SLC12A6: variants seen among roughly 807,000 people sequenced by gnomAD.
SLC12A6 encodes K-Cl cotransporter 3.
A neutral mutation model predicts 135.3 loss-of-function variants in SLC12A6; 66 were observed. That is an observed-to-expected ratio of 0.49 (90% CI 0.40 to 0.60). The LOEUF (loss-of-function observed/expected upper bound fraction) is 0.60, where lower values mean the gene tolerates loss of function less well. Ranked by LOEUF, SLC12A6 falls within the 20% of genes least tolerant of loss-of-function variation. The probability of loss-of-function intolerance (pLI) is 0.00; values close to 1 mark genes in which losing one functional copy is unlikely to be tolerated. For missense variants in SLC12A6, 1,058 were observed against 1,452.3 expected, an observed-to-expected ratio of 0.73 and a Z score of 4.41; for synonymous variants, 513 against 508.8, an observed-to-expected ratio of 1.01 and a Z score of -0.11.
At chr15:34,310,547 CTG>C (rs59979245) in intron 2 of SLC12A6, among the ~76,000 whole-genome samples, 3,391 of 34,008 alleles carry the variant, frequency 0.1, 530 homozygotes, top group African/African-American at 0.15. Flanking sequence ...CTGGGCTCAA[CTG>C]TGTGTGTGTG....
chr15:34,318,516 T>C (rs1595564675), intron 2 of SLC12A6: 4 of 1,486,256 alleles, frequency 2.7e-6, no homozygotes, highest in Non-Finnish European at 3.8e-6. Context: ...ACTTCTTTCA[T>C]GAAACATTTT....
intron 18 of SLC12A6, 135 bp from the exon 19 acceptor site, chr15:34,240,964 AGATGACAG>A (rs1891604665): frequency 2.7e-6 from 2 of 748,942 alleles, no homozygotes; most frequent in Non-Finnish European, 4.7e-6. Context: ...AGATCACAGG[AGATGACAG>A]GATAAGGGCA....
chr15:34,271,470 A>C (rs1229094964), intron 3 of SLC12A6, among the ~76,000 whole-genome samples: 1 of 151,424 alleles, frequency 6.6e-6, no homozygotes, highest in Non-Finnish European at 1.5e-5. Context: ...TTGGTTTTCT[A>C]TTCCTTATGA....
chr15:34,258,785 T>C, intron 5 of SLC12A6, 28 bp downstream of exon 5: 1 of 1,592,334 alleles, frequency 6.3e-7, no homozygotes, highest in Non-Finnish European at 8.6e-7. Context: ...GCTCTTTCTA[T>C]GTATTCCTTG....
At chr15:34,262,925 T>C (rs1317324094) in intron 3 of SLC12A6, among the ~76,000 whole-genome samples, 1 of 152,150 alleles carries the variant, frequency 6.6e-6, no homozygotes, top group African/African-American at 2.4e-5. Flanking sequence ...GCATCTCTTC[T>C]GGTGAGCTCG....
intron 2 of SLC12A6, among the ~76,000 whole-genome samples, chr15:34,322,529 G>A (rs965082506): frequency 1.1e-4 from 16 of 152,146 alleles, no homozygotes; most frequent in African/African-American, 3.1e-4. Flanking sequence ...TGTGGGAGGT[G>A]AACTGATTCT....
At chr15:34,316,048 A>C (rs1888628351) in intron 2 of SLC12A6, among the ~76,000 whole-genome samples, 1 of 152,178 alleles carries the variant, frequency 6.6e-6, no homozygotes, top group African/African-American at 2.4e-5. Context: ...CTTTTCAAAA[A>C]ATTAGATTAT....
chr15:34,234,268 G>A (rs1482255179), intron 25 of SLC12A6, among the ~76,000 whole-genome samples: 3 of 152,194 alleles, frequency 2.0e-5, no homozygotes, highest in Non-Finnish European at 2.9e-5. Flanking sequence ...CAATAGGGCA[G>A]CTAACAAGAT....
chr15:34,236,122 G>C lies in SLC12A6; in HGVS notation c.3120C>G (p.Thr1040=), dbSNP rs571120129. 6.7e-5 allele frequency: 108 copies of C among 1,613,524 alleles called. No individual in the cohort carries two copies. The highest frequency in any genetic ancestry group is 8.8e-5 in the South Asian group (8 of 91,082). ...AAGTCATGTGCACCTTCTCCTGATA[G>C]GTTTCTGTCTCTTCGTCCTCATCAG... ...IGSDEDEETE[T]YQEKVHMTWT... Residue 1040 remains threonine (T), a synonymous_variant, in exon 24 of 26, where the codon ACC becomes ACG. Coordinates refer to ENST00000354181, the MANE Select transcript of SLC12A6 (RefSeq NM_001365088.1).
chr15:34,286,478 A>T (rs1392335790), intron 2 of SLC12A6, among the ~76,000 whole-genome samples: 1 of 152,030 alleles, frequency 6.6e-6, no homozygotes, highest in Non-Finnish European at 1.5e-5. Context: ...TAAGTCTAAA[A>T]GGAGAGCTCC....
chr15:34,255,803 T>C (rs899836240), intron 7 of SLC12A6, among the ~76,000 whole-genome samples: 9 of 134,666 alleles, frequency 6.7e-5, no homozygotes, highest in Non-Finnish European at 1.4e-4. Context: ...AAATGTCACC[T>C]CTGTAAAAAA....
intron 13 of SLC12A6, among the ~76,000 whole-genome samples, chr15:34,247,274 T>G (rs1892055942): frequency 6.6e-6 from 1 of 152,078 alleles, no homozygotes. Context: ...TCCCAGCACT[T>G]TGGGAGGCCG....
intron 2 of SLC12A6, among the ~76,000 whole-genome samples, chr15:34,335,452 A>T (rs1157750331): frequency 6.6e-6 from 1 of 152,252 alleles, no homozygotes; most frequent in Admixed American, 6.5e-5. Flanking sequence ...TATGGTTTTC[A>T]AACTTGGGTG....
intron 3 of SLC12A6, among the ~76,000 whole-genome samples, chr15:34,265,563 T>C (rs2140821916): frequency 6.6e-6 from 1 of 152,342 alleles, no homozygotes; most frequent in East Asian, 1.9e-4. Context: ...GGTGTGCTGA[T>C]AACAGCCTCT....
chr15:34,275,193 G>GT (rs1340699895), intron 3 of SLC12A6, 152 bp downstream of exon 3: 2 of 540,096 alleles, frequency 3.7e-6, no homozygotes, highest in African/African-American at 3.8e-5. Flanking sequence ...AACTTGGCAA[G>GT]TTGGGAATAG....
Position 34,334,027 on chromosome 15 carries a change from G to A in SLC12A6, c.271+2383C>T, listed in dbSNP as rs573141362. Among the ~76,000 whole-genome samples the A allele has an allele frequency of 6.0e-5, 9 of 149,816 alleles. No homozygotes were observed. The East Asian group carries it at 1.2e-3, about 20-fold the overall frequency. On this transcript the variant is annotated intron_variant, in intron 2 of 25. Coordinates refer to ENST00000354181, the MANE Select transcript of SLC12A6 (RefSeq NM_001365088.1). ...AGAGATTGCAGTGAGTGGAGATTGC[G>A]CCCTTGTACCCCAGCCTGGGCAACA...
At chr15:34,248,678 A>G (rs1892173688) in intron 13 of SLC12A6, among the ~76,000 whole-genome samples, 1 of 152,092 alleles carries the variant, frequency 6.6e-6, no homozygotes, top group African/African-American at 2.4e-5. Flanking sequence ...TCGAGTCCTC[A>G]AAGAGCTCAA....
intron 2 of SLC12A6, among the ~76,000 whole-genome samples, chr15:34,287,630 C>G (rs2140949531): frequency 6.6e-6 from 1 of 152,330 alleles, no homozygotes; most frequent in Non-Finnish European, 1.5e-5. Flanking sequence ...CACAACCTCT[C>G]CAGCATGTGT....
chr15:34,252,184 C>T lies in SLC12A6; in HGVS notation c.1319G>A (p.Ser440Asn), dbSNP rs1448474208. 1 of 1,574,444 alleles carries T rather than the reference C, an allele frequency of 6.4e-7. No homozygotes were observed. The highest frequency in any genetic ancestry group is 8.7e-7 in the Non-Finnish European group (1 of 1,144,022). ...CCCTAACTTACCTGTAATTATACCACTAGCCAATCCAGGAATGCCCTGGAT... is the reference window on the plus strand; with the variant it reads ...CCCTAACTTACCTGTAATTATACCATTAGCCAATCCAGGAATGCCCTGGAT... ...TSIQGIPGLA[S>N]GIITENLWSN... The change falls in exon 10 of 26, where the codon AGT becomes AAT. Residue 440 changes from serine (S) to asparagine (N), a missense_variant. Physicochemically the swap from Ser to Asn is conservative, Grantham distance 46 (BLOSUM62 1). Around this residue, in one of 6 missense-constraint regions of SLC12A6, gnomAD observed 297 missense variants for 318.5 expected, o/e 0.93. Transcript: ENST00000354181.
Sources: gnomAD v4.1 joint callset for allele counts (sites outside exome capture counted in the v4.1 genomes callset) on GRCh38, gnomAD v4.1.1 for gene constraint, gnomAD v4.1.1 regional missense constraint, MANE v1.5 for transcripts, NCBI Gene and HGNC (gene_info 2026-07-23, HGNC 2026-07-21) for gene names.